Variants in CSMD1 observed in about 807,000 individuals in gnomAD.
CSMD1 encodes CUB and Sushi multiple domains 1, also known as CUB and sushi domain-containing protein 1.
In CSMD1, 213 loss-of-function variants were observed where a neutral mutation model predicts 417.5. That is an observed-to-expected ratio of 0.51 (90% CI 0.46 to 0.57). CSMD1 has a LOEUF of 0.57. Among genes scored for constraint, CSMD1 ranks in the 20% least tolerant of loss-of-function variants. The probability of loss-of-function intolerance (pLI) is 0.00; values close to 1 mark genes in which losing one functional copy is unlikely to be tolerated. For missense variants in CSMD1, 6,923 were observed against 4,529.7 expected, an observed-to-expected ratio of 1.53 and a Z score of -15.17; for synonymous variants, 2,862 against 1,736.8, an observed-to-expected ratio of 1.65 and a Z score of -16.11.
intron 5 of CSMD1, among the ~76,000 whole-genome samples, chr8:3,923,167 A>G (rs950619644): frequency 1.3e-5 from 2 of 151,984 alleles, no homozygotes; most frequent in Admixed American, 1.3e-4. Context: ...GCTTCATGAG[A>G]CCTCTCCTCA....
intron 25 of CSMD1, among the ~76,000 whole-genome samples, chr8:3,285,238 T>C (rs1050511166): frequency 1.3e-5 from 2 of 152,216 alleles, no homozygotes; most frequent in Admixed American, 1.3e-4. Context: ...ATATATTACA[T>C]GTTTAAAGAA....
intron 12 of CSMD1, among the ~76,000 whole-genome samples, chr8:3,439,161 A>T (rs1221696137): frequency 4.9e-5 from 7 of 142,408 alleles, no homozygotes; most frequent in South Asian, 2.2e-4. Context: ...AACCAAGAAA[A>T]AAAAAAGAAA....
At chr8:4,508,990 G>A (rs1240269082) in intron 2 of CSMD1, among the ~76,000 whole-genome samples, 1 of 152,088 alleles carries the variant, frequency 6.6e-6, no homozygotes, top group Non-Finnish European at 1.5e-5. Context: ...ACATGGATGT[G>A]AAGTCTGTGT....
At chr8:3,169,838 C>A (rs1820468855) in intron 37 of CSMD1, among the ~76,000 whole-genome samples, 1 of 152,170 alleles carries the variant, frequency 6.6e-6, no homozygotes, top group Non-Finnish European at 1.5e-5. Context: ...GGTGTCACTA[C>A]ATGCCCAGAC....
At chr8:2,987,315 G>C (rs1042845407) in intron 54 of CSMD1, among the ~76,000 whole-genome samples, 5 of 151,032 alleles carry the variant, frequency 3.3e-5, no homozygotes, top group Non-Finnish European at 5.9e-5. Flanking sequence ...GGTTATAAAA[G>C]AGTCCATAGG....
chr8:4,208,045 A>C (rs1227882423), intron 3 of CSMD1, among the ~76,000 whole-genome samples: 1 of 152,298 alleles, frequency 6.6e-6, no homozygotes, highest in African/African-American at 2.4e-5. Flanking sequence ...TAAATATATG[A>C]GGGTAATTCA....
chr8:4,264,564 C>A (rs1401435981), intron 3 of CSMD1, among the ~76,000 whole-genome samples: 1 of 152,098 alleles, frequency 6.6e-6, no homozygotes, highest in Non-Finnish European at 1.5e-5. Flanking sequence ...GGTTAGCAAG[C>A]ATTTTATTAT....
chr8:3,330,511 C>T (rs117599770), intron 23 of CSMD1, among the ~76,000 whole-genome samples: 142 of 152,208 alleles, frequency 9.3e-4, no homozygotes, highest in Non-Finnish European at 1.8e-3. Context: ...AACCAAATAC[C>T]GCGTGATCTC....
At position 4,521,726 on chromosome 8, in the gene CSMD1, C is replaced by T. The variant is rs920002838; in HGVS notation, c.303-101661G>A. On this transcript the variant is annotated intron_variant, in intron 2 of 69. Coordinates refer to ENST00000635120, the MANE Select transcript of CSMD1 (RefSeq NM_033225.6). Reference sequence around the variant, plus strand: ...GGTATAAGCCAAACATTTCAATAGACATAGCTCATAAGAACAGAAGGCATA... The same window carrying T: ...GGTATAAGCCAAACATTTCAATAGATATAGCTCATAAGAACAGAAGGCATA... Among the ~76,000 whole-genome samples the T allele has an allele frequency of 6.6e-5, 10 of 152,284 alleles. 1 individual carries two copies. The highest frequency in any genetic ancestry group is 3.4e-3 in the Middle Eastern group (1 of 294).
chr8:4,718,060 C>A (rs1046767986), intron 1 of CSMD1, among the ~76,000 whole-genome samples: 1 of 152,170 alleles, frequency 6.6e-6, no homozygotes, highest in Non-Finnish European at 1.5e-5. Context: ...TCCCTGCAGC[C>A]TCTACCTCCC....
intron 1 of CSMD1, among the ~76,000 whole-genome samples, chr8:4,775,698 G>A (rs542268015): frequency 9.2e-5 from 14 of 152,272 alleles, no homozygotes; most frequent in African/African-American, 1.2e-4. Context: ...CCAAGGCAGC[G>A]TCTGTCATGG....
chr8:4,561,451 T>A lies in CSMD1; in HGVS notation c.302+75891A>T, dbSNP rs1364441005. On this transcript the variant is annotated intron_variant, in intron 2 of 69. Coordinates refer to ENST00000635120, the MANE Select transcript of CSMD1 (RefSeq NM_033225.6). ...TAATCTCAGCACTTTGGTAGGCTGA[T>A]GCAGGTGAAGCACTTGAGTCCGGGA... 2.6e-5 allele frequency among the ~76,000 whole-genome samples: 4 copies of A among 152,136 alleles called. No homozygotes were observed. In the East Asian group the frequency reaches 5.8e-4, roughly 22 times the overall value.
rs565726309 is a variant in CSMD1 at position 4,552,039 on chromosome 8, T to C, written c.302+85303A>G. On this transcript the variant is annotated intron_variant, in intron 2 of 69. Coordinates refer to ENST00000635120, the MANE Select transcript of CSMD1 (RefSeq NM_033225.6). ...TCTAGAAGTAGCTTTAACAGTTTAATTTCAAAATTACTAATCAAATTATTG... is the reference window on the plus strand; with the variant it reads ...TCTAGAAGTAGCTTTAACAGTTTAACTTCAAAATTACTAATCAAATTATTG... Among the ~76,000 whole-genome samples, 5 of 152,220 alleles carry C rather than the reference T, an allele frequency of 3.3e-5. No homozygotes were observed. In the East Asian group the frequency reaches 9.7e-4, roughly 29 times the overall value.
At chr8:3,022,679 T>TAA (rs35865350) in intron 51 of CSMD1, among the ~76,000 whole-genome samples, 2,339 of 136,364 alleles carry the variant, frequency 0.017, 21 homozygotes, top group East Asian at 0.039. Flanking sequence ...ACATTCTAGC[T>TAA]AAAAAAAAAA....
chr8:3,402,744 G>C (rs1367818820), intron 15 of CSMD1, among the ~76,000 whole-genome samples: 2 of 151,950 alleles, frequency 1.3e-5, no homozygotes, highest in South Asian at 4.2e-4. Flanking sequence ...TAAACAGTTT[G>C]TCTATTTTAT....
At chr8:4,230,079 G>T (rs1041040913) in intron 3 of CSMD1, among the ~76,000 whole-genome samples, 1 of 152,118 alleles carries the variant, frequency 6.6e-6, no homozygotes, top group Non-Finnish European at 1.5e-5. Flanking sequence ...GTGTATACAA[G>T]CTTATTAGAC....
intron 1 of CSMD1, among the ~76,000 whole-genome samples, chr8:4,946,652 G>T (rs899369762): frequency 1.3e-5 from 2 of 152,066 alleles, no homozygotes; most frequent in Admixed American, 6.6e-5. Flanking sequence ...TCTGACTCCC[G>T]AATTAAAAAT....
At chr8:3,379,544 G>A (rs536696012) in intron 18 of CSMD1, among the ~76,000 whole-genome samples, 13 of 152,186 alleles carry the variant, frequency 8.5e-5, no homozygotes, top group Non-Finnish European at 1.2e-4. Flanking sequence ...TGGTACCAAA[G>A]CAGATATATA....
In CSMD1 at chr8:2,951,105, G is replaced by A. The variant is rs750347934; in HGVS notation, c.10201+9C>T. 14 of 1,609,592 alleles carry A rather than the reference G, an allele frequency of 8.7e-6. No homozygotes were observed. Among genetic ancestry groups the A allele is most frequent in the African/African-American group, 5.4e-5 (4 of 74,706 alleles). On this transcript the variant is annotated intron_variant, in intron 66 of 69. Coordinates refer to ENST00000635120, the MANE Select transcript of CSMD1 (RefSeq NM_033225.6). ...ACACCATGCGTTTAGTGAATTCTTC[G>A]GGACCTACCTGTCAACTTCAGCTCC...
Sources: gnomAD v4.1 joint callset for allele counts (sites outside exome capture counted in the v4.1 genomes callset) on GRCh38, gnomAD v4.1.1 for gene constraint, MANE v1.5 for transcripts, NCBI Gene and HGNC (gene_info 2026-07-23, HGNC 2026-07-21) for gene names.